The following SYK variants were observed in gnomAD, a reference collection of about 807,000 sequenced individuals.
SYK encodes the protein tyrosine-protein kinase SYK.
SYK carries 16 observed loss-of-function variants against 77.8 expected under a neutral mutation model. That is an observed-to-expected ratio of 0.21 (90% CI 0.14 to 0.31). SYK has a LOEUF of 0.31. SYK is among the 10% of genes least tolerant of loss of function. The pLI is 1.00. For synonymous variants in SYK, 312 were observed against 308.7 expected (o/e 1.01, Z -0.11); for missense variants, 529 against 814.4 (o/e 0.65, Z 4.26).
At chr9:90,859,009 ACT>A (rs1334378332) in intron 3 of SYK, among the ~76,000 whole-genome samples, 1 of 152,070 alleles carries the variant, frequency 6.6e-6, no homozygotes, top group East Asian at 1.9e-4. Context: ...AGCAAAGGGC[ACT>A]CTCTGTTTCC....
Position 90,898,515 on chromosome 9 carries a change from A to T in SYK, c.*2915A>T, listed in dbSNP as rs201710784. The T allele has an allele frequency of 4.8e-4, 100 of 209,042 alleles. No homozygotes were observed. The highest frequency in any genetic ancestry group is 7.2e-4 in the Non-Finnish European group (74 of 102,810). 12.9% of individuals were successfully genotyped at this position (209,042 alleles called of 1,614,324 possible). The stretch of plus-strand genomic sequence containing the variant: ...CTACATTGTGTCACTGGACATTTTT[A>T]AAAACTGTGATTTTTAATAAAAATT... On this transcript the variant is annotated 3_prime_UTR_variant, in exon 14 of 14. Transcript: ENST00000375754.
intron 1 of SYK, among the ~76,000 whole-genome samples, chr9:90,810,103 T>C (rs572516917): frequency 6.6e-6 from 1 of 152,240 alleles, no homozygotes; most frequent in African/African-American, 2.4e-5. Flanking sequence ...TCAGTGTCTG[T>C]TATGGAGGAA....
intron 1 of SYK, among the ~76,000 whole-genome samples, chr9:90,819,828 A>G (rs1825442590): frequency 6.6e-6 from 1 of 152,174 alleles, no homozygotes; most frequent in African/African-American, 2.4e-5. Context: ...GCATTAACCC[A>G]AAAGTCCACA....
At chr9:90,873,372 G>A (rs1463666023) in intron 7 of SYK, among the ~76,000 whole-genome samples, 5 of 151,828 alleles carry the variant, frequency 3.3e-5, no homozygotes, top group Admixed American at 3.3e-4. Flanking sequence ...CTGAATCATG[G>A]TTCTCCTGTG....
chr9:90,889,670 C>T (rs545416515), intron 13 of SYK, among the ~76,000 whole-genome samples: 1 of 152,246 alleles, frequency 6.6e-6, no homozygotes, highest in African/African-American at 2.4e-5. Context: ...TGCTTCCCTG[C>T]CCCTGCTGCT....
intron 1 of SYK, among the ~76,000 whole-genome samples, chr9:90,839,511 A>G (rs897521500): frequency 1.6e-4 from 24 of 152,140 alleles, no homozygotes; most frequent in African/African-American, 5.8e-4. Flanking sequence ...ACCCGACCAC[A>G]GCCTGTCTCA....
intron 3 of SYK, among the ~76,000 whole-genome samples, chr9:90,860,683 G>T (rs138035392): frequency 6.6e-6 from 1 of 152,214 alleles, no homozygotes; most frequent in Admixed American, 6.5e-5. Flanking sequence ...GCCAAGCACC[G>T]CTAGAAAAGA....
intron 3 of SYK, among the ~76,000 whole-genome samples, chr9:90,856,401 C>T (rs76836208): frequency 0.057 from 8,651 of 152,216 alleles, 327 homozygotes; most frequent in Middle Eastern, 0.12. Flanking sequence ...CTATTAAATA[C>T]AGTTTGACCT....
chr9:90,878,835 G>A lies in SYK; in HGVS notation c.1463G>A (p.Ser488Asn), dbSNP rs1351271905. 1.9e-6 allele frequency: 3 copies of A among 1,614,072 alleles called. No homozygotes were observed. Among genetic ancestry groups the A allele is most frequent in the South Asian group, 1.1e-5 (1 of 91,090 alleles). The change falls in exon 11 of 14, where the codon AGC becomes AAC. Residue 488 changes from serine (S) to asparagine (N), a missense_variant. Coordinates refer to ENST00000375754, the MANE Select transcript of SYK (RefSeq NM_003177.7). ...VSMGMKYLEE[S>N]NFVHRDLAAR... Reference sequence around the variant, plus strand: ...ATGGGCATGAAGTACTTGGAGGAGAGCAATTTTGTGCACAGAGATCTGGCT... The same window carrying A: ...ATGGGCATGAAGTACTTGGAGGAGAACAATTTTGTGCACAGAGATCTGGCT...
intron 1 of SYK, among the ~76,000 whole-genome samples, chr9:90,809,766 T>C (rs1053354734): frequency 6.6e-6 from 1 of 152,144 alleles, no homozygotes; most frequent in East Asian, 1.9e-4. Flanking sequence ...GCTGTGAGTG[T>C]CTCTGTCCTT....
intron 1 of SYK, among the ~76,000 whole-genome samples, chr9:90,834,398 T>C (rs560374240): frequency 1.2e-3 from 183 of 152,286 alleles, no homozygotes; most frequent in African/African-American, 4.2e-3. Context: ...TGGTATACTG[T>C]CATCCCCTTT....
intron 1 of SYK, among the ~76,000 whole-genome samples, chr9:90,817,422 G>T (rs1398521065): frequency 6.6e-6 from 1 of 151,870 alleles, no homozygotes; most frequent in Non-Finnish European, 1.5e-5. Flanking sequence ...TTTTTCTCAA[G>T]CTCCACAGAT....
At chr9:90,850,957 T>C (rs1473893052) in intron 3 of SYK, among the ~76,000 whole-genome samples, 2 of 152,172 alleles carry the variant, frequency 1.3e-5, no homozygotes, top group African/African-American at 4.8e-5. Flanking sequence ...GTCTGGGAGA[T>C]GCTGTCCAAC....
intron 1 of SYK, among the ~76,000 whole-genome samples, chr9:90,837,449 C>T (rs1826125495): frequency 6.6e-6 from 1 of 152,024 alleles, no homozygotes; most frequent in African/African-American, 2.4e-5. Flanking sequence ...CATCATGATG[C>T]AACTCTCTGA....
chr9:90,861,201 G>A (rs1827244863), intron 3 of SYK, among the ~76,000 whole-genome samples: 1 of 152,126 alleles, frequency 6.6e-6, no homozygotes, highest in African/African-American at 2.4e-5. Flanking sequence ...GTCTTCCAGG[G>A]GATCTCTCAC....
In SYK at chr9:90,844,176, C is replaced by G; in HGVS notation, c.278C>G (p.Ser93Cys). ...ASPADLCHYHSQESDGLVCLL... is the reference protein window; with the variant it reads ...ASPADLCHYHCQESDGLVCLL... ...CCCGCCGACCTCTGCCACTACCACT[C>G]CCAGGAGTCTGATGGCCTGGTCTGC... Residue 93 changes from serine (S) to cysteine (C), a missense_variant, in exon 2 of 14, where the codon TCC (serine) becomes TGC (cysteine). Physicochemically the swap from Ser to Cys is moderately radical, Grantham distance 112 (BLOSUM62 -1). Transcript: ENST00000375754. The G allele has an allele frequency of 6.2e-7, 1 of 1,614,240 alleles. No individual in the cohort carries two copies. The highest frequency in any genetic ancestry group is 1.1e-5 in the South Asian group (1 of 91,092).
At chr9:90,814,803 G>A (rs1825227515) in intron 1 of SYK, among the ~76,000 whole-genome samples, 1 of 150,894 alleles carries the variant, frequency 6.6e-6, no homozygotes, top group Non-Finnish European at 1.5e-5. Context: ...CCCCAAGGCT[G>A]TAACATTCTC....
chr9:90,863,768 C>T (rs1827363730), intron 4 of SYK, among the ~76,000 whole-genome samples: 1 of 152,176 alleles, frequency 6.6e-6, no homozygotes, highest in African/African-American at 2.4e-5. Flanking sequence ...CAGCTTAATG[C>T]TCCAAGGTCC....
intron 3 of SYK, among the ~76,000 whole-genome samples, chr9:90,852,242 G>C (rs1372101415): frequency 6.6e-6 from 1 of 152,178 alleles, no homozygotes; most frequent in East Asian, 1.9e-4. Flanking sequence ...AGCTTCCCTG[G>C]CTGTGACTAA....
Sources: allele counts gnomAD v4.1 joint callset (sites outside exome capture counted in the v4.1 genomes callset), GRCh38; gene constraint gnomAD v4.1.1; transcripts MANE v1.5; gene names NCBI Gene and HGNC (gene_info 2026-07-23, HGNC 2026-07-21).